Variants in RALA observed in about 807,000 individuals in gnomAD.
RALA encodes the protein RAS like proto-oncogene A, also known as ras-related protein Ral-A.
A neutral mutation model predicts 24.0 loss-of-function variants in RALA; 5 were observed. The observed-to-expected ratio is 0.21, with a 90% confidence interval of 0.11 to 0.44. The LOEUF (loss-of-function observed/expected upper bound fraction) is 0.44, where lower values mean the gene tolerates loss of function less well. RALA is among the 20% of genes least tolerant of loss of function. The pLI, the probability that RALA is intolerant of heterozygous loss-of-function variation, is 0.99. For missense variants in RALA, 95 were observed against 241.2 expected, an observed-to-expected ratio of 0.39 and a Z score of 4.01; for synonymous variants, 77 against 83.8, an observed-to-expected ratio of 0.92 and a Z score of 0.44.
At chr7:39,670,564 T>C (rs1415701075) in intron 1 of RALA, among the ~76,000 whole-genome samples, 1 of 152,246 alleles carries the variant, frequency 6.6e-6, no homozygotes, top group Non-Finnish European at 1.5e-5. Flanking sequence ...AAAGGTGATG[T>C]ATCCTTCCAG....
At chr7:39,690,646 C>A in intron 3 of RALA, 56 bp downstream of exon 3, 1 of 1,367,840 alleles carries the variant, frequency 7.3e-7, no homozygotes, top group Non-Finnish European at 1.0e-6. Context: ...ATTTCTTCCC[C>A]AGAAACAAGT....
intron 1 of RALA, among the ~76,000 whole-genome samples, chr7:39,665,534 A>G (rs1440144901): frequency 6.6e-6 from 1 of 152,042 alleles, no homozygotes; most frequent in Non-Finnish European, 1.5e-5. Context: ...GTGTTATCCA[A>G]GAGTCGACTG....
chr7:39,657,928 A>T (rs1314908167), intron 1 of RALA, among the ~76,000 whole-genome samples: 1 of 152,190 alleles, frequency 6.6e-6, no homozygotes, highest in Non-Finnish European at 1.5e-5. Flanking sequence ...AGCCTGTGTG[A>T]TACTAGTTCA....
At chr7:39,683,103 A>G (rs892789122) in intron 1 of RALA, among the ~76,000 whole-genome samples, 5 of 152,222 alleles carry the variant, frequency 3.3e-5, no homozygotes, top group Non-Finnish European at 2.9e-5. Flanking sequence ...GCCTTCCACC[A>G]GAAGCCATGT....
At chr7:39,694,126 G>A (rs537776070) in intron 3 of RALA, among the ~76,000 whole-genome samples, 22 of 152,256 alleles carry the variant, frequency 1.4e-4, no homozygotes, top group African/African-American at 4.6e-4. Flanking sequence ...AGATACTACT[G>A]GATTTCATAG....
At chr7:39,643,654 G>A (rs1213674476) in intron 1 of RALA, among the ~76,000 whole-genome samples, 3 of 150,828 alleles carry the variant, frequency 2.0e-5, no homozygotes, top group Non-Finnish European at 3.0e-5. Context: ...TCAGGAGTTC[G>A]AGACCAGCCC....
intron 3 of RALA, among the ~76,000 whole-genome samples, chr7:39,693,353 G>T (rs1792864704): frequency 6.6e-6 from 1 of 152,120 alleles, no homozygotes; most frequent in Non-Finnish European, 1.5e-5. Flanking sequence ...TCACTCATAG[G>T]TGGGAATTGA....
chr7:39,649,943 G>A (rs1307627463), intron 1 of RALA, among the ~76,000 whole-genome samples: 1 of 152,222 alleles, frequency 6.6e-6, no homozygotes. Context: ...TTGACTGTTG[G>A]ATTTAGCAGT....
intron 1 of RALA, among the ~76,000 whole-genome samples, chr7:39,676,714 A>G (rs932553656): frequency 2.6e-5 from 4 of 152,180 alleles, no homozygotes; most frequent in African/African-American, 9.7e-5. Context: ...TTTGGCAGGC[A>G]TGGGGTATTT....
intron 1 of RALA, among the ~76,000 whole-genome samples, chr7:39,680,501 A>G (rs1792573944): frequency 6.6e-6 from 1 of 151,676 alleles, no homozygotes; most frequent in African/African-American, 2.4e-5. Flanking sequence ...ACATGAACCC[A>G]GGAGGCAGAG....
intron 1 of RALA, among the ~76,000 whole-genome samples, chr7:39,650,391 C>T (rs117585336): frequency 6.6e-6 from 1 of 151,944 alleles, no homozygotes; most frequent in Non-Finnish European, 1.5e-5. Context: ...TGCAGAGAAG[C>T]CTAAAATATT....
intron 4 of RALA, 129 bp from the exon 5 acceptor site, chr7:39,705,994 C>G: frequency 1.2e-6 from 1 of 800,060 alleles, no homozygotes; most frequent in South Asian, 2.2e-5. Flanking sequence ...GCTTTCCGCT[C>G]TGTACTCCCA....
chr7:39,683,421 T>C (rs1792641158), intron 1 of RALA, among the ~76,000 whole-genome samples: 1 of 152,190 alleles, frequency 6.6e-6, no homozygotes, highest in South Asian at 2.1e-4. Context: ...TCCTTGACCA[T>C]CTGGTTAAAG....
intron 3 of RALA, among the ~76,000 whole-genome samples, chr7:39,693,813 T>C (rs1012776383): frequency 2.0e-5 from 3 of 152,202 alleles, no homozygotes; most frequent in African/African-American, 7.2e-5. Flanking sequence ...ATACCGTGCT[T>C]GTTTGACTTC....
At chr7:39,692,757 A>G (rs1162526223) in intron 3 of RALA, among the ~76,000 whole-genome samples, 2 of 152,168 alleles carry the variant, frequency 1.3e-5, no homozygotes, top group African/African-American at 4.8e-5. Context: ...GTAGGTATTT[A>G]TTAAGAAATA....
At chr7:39,633,804 G>A (rs1410061458) in intron 1 of RALA, among the ~76,000 whole-genome samples, 1 of 152,206 alleles carries the variant, frequency 6.6e-6, no homozygotes. Context: ...ATTTGTTGGT[G>A]TGAAATCAGG....
intron 1 of RALA, among the ~76,000 whole-genome samples, chr7:39,679,104 G>T (rs1174771440): frequency 4.1e-5 from 6 of 146,938 alleles, no homozygotes; most frequent in African/African-American, 1.3e-4. Flanking sequence ...GCTCTGTGTT[G>T]GAGTTCCTTC....
intron 4 of RALA, 30 bp downstream of exon 4, chr7:39,696,889 T>A (rs766319847): frequency 3.2e-6 from 5 of 1,573,366 alleles, no homozygotes; most frequent in Non-Finnish European, 4.3e-6. Context: ...TACTGCATCA[T>A]GTTAAAATAG....
intron 3 of RALA, among the ~76,000 whole-genome samples, chr7:39,691,772 T>C (rs1452791962): frequency 6.6e-6 from 1 of 152,194 alleles, no homozygotes; most frequent in Non-Finnish European, 1.5e-5. Context: ...TCATATATGA[T>C]GACATGCAAG....
Sources: allele counts gnomAD v4.1 joint callset (sites outside exome capture counted in the v4.1 genomes callset), GRCh38; gene constraint gnomAD v4.1.1; transcripts MANE v1.5; gene names NCBI Gene and HGNC (gene_info 2026-07-23, HGNC 2026-07-21).